Variants in RYR3 observed in about 807,000 individuals in gnomAD.
RYR3 encodes the protein ryanodine receptor 3, also known as brain ryanodine receptor-calcium release channel.
In RYR3, 207 loss-of-function variants were observed where a neutral mutation model predicts 584.3. The observed-to-expected ratio is 0.35, with a 90% CI of 0.32 to 0.40. The LOEUF (loss-of-function observed/expected upper bound fraction) is 0.40. RYR3 is among the 10% of genes least tolerant of loss of function. RYR3 has a pLI of 1.00. For synonymous variants in RYR3, 2,416 were observed against 2,248.5 expected (o/e 1.07, Z -2.11); for missense variants, 5,616 against 6,089.2 (o/e 0.92, Z 2.59).
rs577050291 is a variant in RYR3 at position 33,578,702 on chromosome 15, C to T, written c.1269-1274C>T. Among the ~76,000 whole-genome samples the T allele has an allele frequency of 2.0e-5, 3 of 151,824 alleles. No individual in the cohort carries two copies. The South Asian group carries it at 6.3e-4, about 32-fold the overall frequency. ...TCAGGGGTTGTTAGGTGCAGCAAAC[C>T]ACCGTGGCACACGTCTGTGTAACAA... On this transcript the variant is annotated intron_variant, in intron 12 of 103. Coordinates refer to ENST00000634891, the MANE Select transcript of RYR3 (RefSeq NM_001036.6).
At chr15:33,615,845 A>C (rs776519921) in intron 19 of RYR3, among the ~76,000 whole-genome samples, 3 of 152,234 alleles carry the variant, frequency 2.0e-5, no homozygotes, top group Admixed American at 1.3e-4. Flanking sequence ...GATTGGAGCA[A>C]AAGCCTTCTG....
chr15:33,409,352 A>AG (rs71772983), intron 1 of RYR3, among the ~76,000 whole-genome samples: 1,811 of 151,678 alleles, frequency 0.012, 43 homozygotes, highest in African/African-American at 0.038. Context: ...AAATCTAAAA[A>AG]AAAAAAAAAG....
chr15:33,677,669 G>C (rs778425822), intron 38 of RYR3, among the ~76,000 whole-genome samples: 1 of 152,186 alleles, frequency 6.6e-6, no homozygotes. Context: ...ATGGGTATCT[G>C]TATCTGTCTG....
chr15:33,699,205 C>T (rs147746885), intron 40 of RYR3, among the ~76,000 whole-genome samples: 103 of 150,896 alleles, frequency 6.8e-4, no homozygotes, highest in African/African-American at 2.4e-3. Context: ...TATGTGTCTA[C>T]GATCACCTGT....
At chr15:33,577,312 C>T (rs1011961996) in intron 12 of RYR3, among the ~76,000 whole-genome samples, 1 of 152,146 alleles carries the variant, frequency 6.6e-6, no homozygotes, top group African/African-American at 2.4e-5. Flanking sequence ...ATAACCAAGA[C>T]AATCCTGAGC....
At chr15:33,558,930 C>A (rs58003404) in intron 10 of RYR3, among the ~76,000 whole-genome samples, 46 of 152,162 alleles carry the variant, frequency 3.0e-4, no homozygotes, top group South Asian at 2.5e-3. Flanking sequence ...AAAGCCTTTT[C>A]GTGGTTTCCA....
intron 1 of RYR3, among the ~76,000 whole-genome samples, chr15:33,312,763 C>G (rs1967529707): frequency 6.6e-6 from 1 of 152,172 alleles, no homozygotes; most frequent in South Asian, 2.1e-4. Context: ...GGAGTTGAGG[C>G]TTAGGAAGGT....
chr15:33,419,778 G>C (rs1425683713), intron 1 of RYR3, among the ~76,000 whole-genome samples: 1 of 152,120 alleles, frequency 6.6e-6, no homozygotes, highest in Admixed American at 6.6e-5. Context: ...CTTACAAGAC[G>C]TGAAGCAGAA....
chr15:33,764,569 A>G (rs1384654715), intron 60 of RYR3, among the ~76,000 whole-genome samples: 1 of 145,274 alleles, frequency 6.9e-6, no homozygotes, highest in East Asian at 2.0e-4. Context: ...CAGAACTTAA[A>G]CCATAATTAA....
chr15:33,794,495 A>G (rs1174655508), intron 67 of RYR3, among the ~76,000 whole-genome samples: 1 of 151,190 alleles, frequency 6.6e-6, no homozygotes, highest in East Asian at 2.0e-4. Flanking sequence ...AGAGAAGGAA[A>G]TCGCCAGAGT....
At chr15:33,577,812 A>G (rs1188656486) in intron 12 of RYR3, among the ~76,000 whole-genome samples, 1 of 152,248 alleles carries the variant, frequency 6.6e-6, no homozygotes, top group Non-Finnish European at 1.5e-5. Context: ...CAAAGAAACT[A>G]TCATCAGAGT....
chr15:33,863,187 G>C (rs764097003), intron 102 of RYR3, among the ~76,000 whole-genome samples: 1 of 152,094 alleles, frequency 6.6e-6, no homozygotes, highest in Non-Finnish European at 1.5e-5. Flanking sequence ...AATTTTATTC[G>C]TGTTTGAGCC....
At chr15:33,775,031 T>TG (rs1330485490) in intron 64 of RYR3, among the ~76,000 whole-genome samples, 13 of 150,260 alleles carry the variant, frequency 8.7e-5, no homozygotes, top group Admixed American at 8.6e-4. Context: ...ATTCTTCTCT[T>TG]GAAAAAAAAA....
intron 15 of RYR3, among the ~76,000 whole-genome samples, chr15:33,584,757 C>T (rs1254549187): frequency 6.6e-6 from 1 of 151,986 alleles, no homozygotes; most frequent in Non-Finnish European, 1.5e-5. Flanking sequence ...TTTTAATCCT[C>T]GGGTCCATTA....
At chr15:33,758,054 C>T (rs1466880881) in intron 60 of RYR3, among the ~76,000 whole-genome samples, 1 of 152,158 alleles carries the variant, frequency 6.6e-6, no homozygotes, top group Non-Finnish European at 1.5e-5. Flanking sequence ...GGAACTCCCT[C>T]CCCTAGCCAA....
intron 86 of RYR3, 85 bp downstream of exon 86, chr15:33,831,176 T>A: frequency 7.5e-7 from 1 of 1,326,966 alleles, no homozygotes; most frequent in Non-Finnish European, 1.0e-6. Flanking sequence ...AATACTTGAT[T>A]GTACACAGTG....
chr15:33,396,828 G>T (rs367860990), intron 1 of RYR3, among the ~76,000 whole-genome samples: 21 of 152,250 alleles, frequency 1.4e-4, no homozygotes, highest in South Asian at 8.3e-4. Context: ...GATATCCTGG[G>T]CTACAGGAAA....
At chr15:33,605,197 T>G (rs747802895) in intron 18 of RYR3, among the ~76,000 whole-genome samples, 2 of 152,262 alleles carry the variant, frequency 1.3e-5, no homozygotes, top group African/African-American at 4.8e-5. Flanking sequence ...AGTGTATTCC[T>G]GTATCCCTTT....
At chr15:33,711,924 T>C (rs549060238) in intron 43 of RYR3, among the ~76,000 whole-genome samples, 32 of 152,346 alleles carry the variant, frequency 2.1e-4, no homozygotes, top group African/African-American at 7.5e-4. Context: ...TTGGTACAAA[T>C]GTTCAGTATT....
Sources: gnomAD v4.1 joint callset for allele counts (sites outside exome capture counted in the v4.1 genomes callset) on GRCh38, gnomAD v4.1.1 for gene constraint, MANE v1.5 for transcripts, NCBI Gene and HGNC (gene_info 2026-07-23, HGNC 2026-07-21) for gene names.